The following FHIT variants were observed in gnomAD, a reference collection of about 807,000 sequenced individuals.
FHIT encodes bis(5'-adenosyl)-triphosphatase.
A neutral mutation model predicts 17.9 loss-of-function variants in FHIT; 19 were observed. The observed-to-expected ratio is 1.06, with a 90% CI of 0.74 to 1.56. FHIT has a LOEUF of 1.56. FHIT is among the 40% of genes most tolerant of loss of function. FHIT has a pLI of 0.00. For synonymous variants in FHIT, 81 were observed against 69.7 expected (o/e 1.16, Z -0.81); for missense variants, 248 against 189.2 (o/e 1.31, Z -1.82).
intron 7 of FHIT, among the ~76,000 whole-genome samples, chr3:59,972,541 G>A (rs578043087): frequency 6.6e-6 from 1 of 152,048 alleles, no homozygotes; most frequent in Non-Finnish European, 1.5e-5. Flanking sequence ...CATTCCTCCA[G>A]TGTCACCTGT....
intron 5 of FHIT, among the ~76,000 whole-genome samples, chr3:60,129,779 T>A (rs910279390): frequency 1.3e-5 from 2 of 152,216 alleles, no homozygotes; most frequent in South Asian, 2.1e-4. Context: ...CAGCCCATTA[T>A]TGAATTCTGG....
intron 8 of FHIT, among the ~76,000 whole-genome samples, chr3:59,900,301 G>A (rs985692815): frequency 1.3e-5 from 2 of 152,196 alleles, no homozygotes; most frequent in South Asian, 2.1e-4. Context: ...CCCAGCAGTT[G>A]TGCAGGCCTG....
intron 3 of FHIT, among the ~76,000 whole-genome samples, chr3:60,955,536 C>T (rs139691617): frequency 6.8e-6 from 1 of 146,074 alleles, no homozygotes; most frequent in Non-Finnish European, 1.5e-5. Context: ...GAGATTAAAC[C>T]ATTATAAAAC....
intron 5 of FHIT, among the ~76,000 whole-genome samples, chr3:60,257,033 C>A (rs1320591128): frequency 6.6e-6 from 1 of 152,208 alleles, no homozygotes; most frequent in East Asian, 1.9e-4. Context: ...CTTTGACCTC[C>A]TTCCTTCCTG....
At chr3:61,074,738 G>A (rs1357655900) in intron 2 of FHIT, among the ~76,000 whole-genome samples, 1 of 152,046 alleles carries the variant, frequency 6.6e-6, no homozygotes, top group African/African-American at 2.4e-5. Flanking sequence ...TATTCATTTT[G>A]GTGAGCCTTG....
intron 3 of FHIT, among the ~76,000 whole-genome samples, chr3:61,036,285 G>A (rs1208442352): frequency 6.6e-6 from 1 of 152,072 alleles, no homozygotes; most frequent in Admixed American, 6.6e-5. Context: ...AGCACCAAGG[G>A]ACTGATGCTA....
chr3:61,202,995 A>AACC (rs1560068251), intron 1 of FHIT, among the ~76,000 whole-genome samples: 1 of 151,974 alleles, frequency 6.6e-6, no homozygotes. Flanking sequence ...CCTGGCTAAT[A>AACC]TGGTGAAACC....
intron 5 of FHIT, among the ~76,000 whole-genome samples, chr3:60,435,245 T>C (rs1316421217): frequency 6.6e-6 from 1 of 152,136 alleles, no homozygotes; most frequent in Non-Finnish European, 1.5e-5. Flanking sequence ...CAGACATTTG[T>C]AATAGAAAAA....
intron 1 of FHIT, among the ~76,000 whole-genome samples, chr3:61,226,013 G>A (rs867870601): frequency 6.6e-6 from 1 of 152,118 alleles, no homozygotes; most frequent in African/African-American, 2.4e-5. Context: ...CAAAACTCAG[G>A]AACAGTAGAA....
At chr3:60,902,612 G>C (rs1234314229) in intron 3 of FHIT, among the ~76,000 whole-genome samples, 2 of 152,202 alleles carry the variant, frequency 1.3e-5, no homozygotes, top group Non-Finnish European at 2.9e-5. Flanking sequence ...TTGGTAAGAA[G>C]TTACTGATGG....
chr3:60,516,741 G>A (rs1369928168), intron 5 of FHIT, among the ~76,000 whole-genome samples: 1 of 152,170 alleles, frequency 6.6e-6, no homozygotes, highest in African/African-American at 2.4e-5. Context: ...TAAATAAAAT[G>A]ACCTGGCTTT....
chr3:59,966,079 C>A (rs1229141457), intron 7 of FHIT, among the ~76,000 whole-genome samples: 1 of 152,198 alleles, frequency 6.6e-6, no homozygotes, highest in East Asian at 1.9e-4. Flanking sequence ...AAAGATAATT[C>A]TAGAATTTGC....
intron 4 of FHIT, among the ~76,000 whole-genome samples, chr3:60,708,299 G>C (rs2041425073): frequency 6.6e-6 from 1 of 152,138 alleles, no homozygotes; most frequent in African/African-American, 2.4e-5. Context: ...ATCCAAACCA[G>C]AGAGCATGTA....
At chr3:60,008,906 T>G (rs1575872394) in intron 7 of FHIT, among the ~76,000 whole-genome samples, 1 of 152,178 alleles carries the variant, frequency 6.6e-6, no homozygotes, top group Non-Finnish European at 1.5e-5. Flanking sequence ...CATCATACAA[T>G]ACTGAGGCTG....
chr3:60,604,814 G>A (rs1249299901), intron 4 of FHIT, among the ~76,000 whole-genome samples: 2 of 152,118 alleles, frequency 1.3e-5, no homozygotes, highest in African/African-American at 4.8e-5. Context: ...GGCAAACTGA[G>A]AGAAAGCAAG....
chr3:59,968,593 T>C (rs1209171616), intron 7 of FHIT, among the ~76,000 whole-genome samples: 1 of 152,104 alleles, frequency 6.6e-6, no homozygotes, highest in African/African-American at 2.4e-5. Context: ...CTAGTGGTAA[T>C]TCTGTGGTTT....
intron 5 of FHIT, among the ~76,000 whole-genome samples, chr3:60,042,072 C>A (rs947240011): frequency 6.6e-6 from 1 of 152,140 alleles, no homozygotes; most frequent in Non-Finnish European, 1.5e-5. Context: ...CCTTTTGTGC[C>A]GGCCTACTTA....
At chr3:61,040,998 C>G (rs181527889) in intron 3 of FHIT, among the ~76,000 whole-genome samples, 2 of 152,164 alleles carry the variant, frequency 1.3e-5, no homozygotes, top group Admixed American at 1.3e-4. Context: ...TAGGACATCC[C>G]CTCTCTGCCC....
At chr3:60,688,313 C>G (rs1376746860) in intron 4 of FHIT, among the ~76,000 whole-genome samples, 1 of 151,996 alleles carries the variant, frequency 6.6e-6, no homozygotes, top group Non-Finnish European at 1.5e-5. Context: ...ATGGCAGTGG[C>G]AAGACTTAAC....
Sources: gnomAD v4.1 joint callset for allele counts (sites outside exome capture counted in the v4.1 genomes callset) on GRCh38, gnomAD v4.1.1 for gene constraint, MANE v1.5 for transcripts, NCBI Gene and HGNC (gene_info 2026-07-23, HGNC 2026-07-21) for gene names.